The following ANO3 variants were observed in gnomAD, a reference collection of about 807,000 sequenced individuals.
ANO3 encodes the protein anoctamin 3.
ANO3 carries 99 observed loss-of-function variants against 144.8 expected under a neutral mutation model. The observed-to-expected ratio is 0.68, with a 90% CI of 0.58 to 0.81. ANO3 has a LOEUF of 0.81. ANO3 is among the 30% of genes least tolerant of loss of function. ANO3 has a pLI of 0.00. For missense variants in ANO3, 905 were observed against 1,202.2 expected, an observed-to-expected ratio of 0.75 and a Z score of 3.66; for synonymous variants, 414 against 392.6, an observed-to-expected ratio of 1.05 and a Z score of -0.64.
intron 1 of ANO3, among the ~76,000 whole-genome samples, chr11:26,304,459 A>T (rs1264194859): frequency 1.3e-5 from 2 of 152,094 alleles, no homozygotes; most frequent in South Asian, 2.1e-4. Context: ...AACTTTTTTT[A>T]AAAATTACCT....
intron 18 of ANO3, among the ~76,000 whole-genome samples, chr11:26,627,952 T>C (rs1852647511): frequency 6.6e-6 from 1 of 152,100 alleles, no homozygotes; most frequent in Non-Finnish European, 1.5e-5. Flanking sequence ...AGAGGTCATA[T>C]GCTATTTAAA....
intron 14 of ANO3, chr11:26,565,997 A>G: frequency 8.6e-7 from 1 of 1,169,148 alleles, no homozygotes; most frequent in African/African-American, 1.6e-5. Flanking sequence ...GACATAATAT[A>G]GAGATGGTAA....
At chr11:26,214,411 T>G (rs547963381) in intron 1 of ANO3, among the ~76,000 whole-genome samples, 43 of 152,038 alleles carry the variant, frequency 2.8e-4, no homozygotes, top group Admixed American at 9.2e-4. Flanking sequence ...GGTTGGATTT[T>G]AGCAAAAATT....
chr11:26,440,200 C>T (rs1858462128), intron 1 of ANO3, among the ~76,000 whole-genome samples: 1 of 152,096 alleles, frequency 6.6e-6, no homozygotes, highest in African/African-American at 2.4e-5. Context: ...CAGCTTTGTA[C>T]AATTTACCAT....
chr11:26,504,225 T>C (rs914512311), intron 4 of ANO3, among the ~76,000 whole-genome samples: 1 of 151,894 alleles, frequency 6.6e-6, no homozygotes, highest in African/African-American at 2.4e-5. Context: ...TTATAATTTG[T>C]TCTATTATAA....
chr11:26,493,488 A>T (rs1860798543), intron 4 of ANO3, among the ~76,000 whole-genome samples: 1 of 152,224 alleles, frequency 6.6e-6, no homozygotes, highest in Non-Finnish European at 1.5e-5. Flanking sequence ...ATAAGGGTGC[A>T]TTATAAAAGA....
Position 26,660,393 on chromosome 11 carries a change from G to A in ANO3, c.2895G>A (p.Leu965=). 6.2e-7 allele frequency: 1 copy of A among 1,612,924 alleles called. No individual in the cohort carries two copies. The change falls in exon 27 of 27, where the codon TTG becomes TTA. Residue 965 remains leucine (L), a synonymous_variant. Transcript: ENST00000256737. ...TGTATGAGGCTGAACTGGAACATTT[G>A]CAACAACAACGGAGAAAAAGTGGTC... is the stretch of plus-strand genomic sequence containing the variant. ...EMMYEAELEH[L]QQQRRKSGQP...
chr11:26,552,806 C>A (rs1427475576), intron 12 of ANO3, among the ~76,000 whole-genome samples: 1 of 152,046 alleles, frequency 6.6e-6, no homozygotes, highest in Non-Finnish European at 1.5e-5. Flanking sequence ...TCTGCACCAA[C>A]AATATGTACT....
chr11:26,306,714 A>G (rs1854392259), upstream of ANO3, among the ~76,000 whole-genome samples: 1 of 152,214 alleles, frequency 6.6e-6, no homozygotes, highest in Non-Finnish European at 1.5e-5. Context: ...CCCCAAAATC[A>G]GTAGTCTGGA....
intron 14 of ANO3, among the ~76,000 whole-genome samples, chr11:26,564,716 CACACACACACACACACATATAT>C (rs1565108574): frequency 2.7e-5 from 2 of 74,352 alleles, no homozygotes; most frequent in Non-Finnish European, 5.2e-5. Flanking sequence ...CACACACACA[CACACACACACACACACATATAT>C]ATATATATAT....
rs910291709 is a variant in ANO3 at position 26,275,605 on chromosome 11, G to A, written c.155-34040G>A. Among the ~76,000 whole-genome samples, 8 of 152,270 alleles carry A rather than the reference G, an allele frequency of 5.3e-5. No homozygotes were observed. In the South Asian group the frequency reaches 1.7e-3, roughly 32 times the overall value. ...CCCTCCTTTGAGGATGGAGGCAGGA[G>A]TTAATGCTGTTTTCTAAAGTCATAC... On this transcript the variant is annotated intron_variant, in intron 1 of 27. Coordinates refer to the ANO3 transcript ENST00000672621.
intron 4 of ANO3, among the ~76,000 whole-genome samples, chr11:26,498,220 G>A (rs1287536904): frequency 5.3e-5 from 8 of 151,960 alleles, no homozygotes; most frequent in African/African-American, 1.9e-4. Context: ...TGACTGAAGA[G>A]AATGTATTGT....
At chr11:26,418,061 C>G (rs1169396654) in intron 1 of ANO3, among the ~76,000 whole-genome samples, 1 of 151,946 alleles carries the variant, frequency 6.6e-6, no homozygotes, top group Non-Finnish European at 1.5e-5. Context: ...AATTAGTATT[C>G]AATGATAAAA....
chr11:26,518,916 A>G (rs1861962416), intron 6 of ANO3, among the ~76,000 whole-genome samples: 1 of 152,112 alleles, frequency 6.6e-6, no homozygotes, highest in Admixed American at 6.6e-5. Context: ...TATTTTCTTT[A>G]TACTCTTACA....
chr11:26,556,772 G>A (rs968849639), intron 13 of ANO3, among the ~76,000 whole-genome samples: 4 of 152,178 alleles, frequency 2.6e-5, no homozygotes, highest in African/African-American at 9.7e-5. Context: ...GTGAAAGGGA[G>A]TGACCTTCAG....
Position 26,599,691 on chromosome 11 carries a change from A to G in ANO3, c.1813A>G (p.Ile605Val), listed in dbSNP as rs199739001. 6.1e-5 allele frequency: 98 copies of G among 1,613,918 alleles called. No homozygotes were observed. Among genetic ancestry groups the G allele is most frequent in the Non-Finnish European group, 1.8e-5 (21 of 1,179,946 alleles). Residue 605 changes from isoleucine (I) to valine (V), a missense_variant, in exon 17 of 27, where the codon ATA becomes GTA. Physicochemically the swap from Ile to Val is conservative, Grantham distance 29. Around this residue, in one of 4 missense-constraint regions of ANO3, gnomAD observed 597 missense variants for 865.1 expected, o/e 0.69. Transcript: ENST00000256737. The part of the protein sequence containing the change: ...TSAAAVCINF[I>V]IIMLLNLAYE... ...TGCTGCTGCTGTCTGTATCAATTTC[A>G]TAATCATTATGTTGCTGAATCTTGT...
chr11:26,333,908 CAA>C (rs1156931256), intron 1 of ANO3, among the ~76,000 whole-genome samples: 1 of 152,134 alleles, frequency 6.6e-6, no homozygotes. Flanking sequence ...AGAATGAAGA[CAA>C]AGATGATAGG....
intron 1 of ANO3, among the ~76,000 whole-genome samples, chr11:26,216,293 T>C (rs1852034582): frequency 6.6e-6 from 1 of 151,988 alleles, no homozygotes; most frequent in Non-Finnish European, 1.5e-5. Flanking sequence ...ATGTTGAATA[T>C]CCACTGGGCT....
intron 1 of ANO3, among the ~76,000 whole-genome samples, chr11:26,408,489 G>C (rs1857347141): frequency 6.7e-6 from 1 of 149,816 alleles, no homozygotes; most frequent in South Asian, 2.1e-4. Flanking sequence ...GTGCTGGAGA[G>C]GATGTGGAGA....
Sources: gnomAD v4.1 joint callset for allele counts (sites outside exome capture counted in the v4.1 genomes callset) on GRCh38, gnomAD v4.1.1 for gene constraint, gnomAD v4.1.1 regional missense constraint, MANE v1.5 for transcripts, NCBI Gene and HGNC (gene_info 2026-07-23, HGNC 2026-07-21) for gene names.